The following GAPDHS variants were observed in gnomAD, a reference collection of about 807,000 sequenced individuals.
GAPDHS encodes the protein glyceraldehyde-3-phosphate dehydrogenase, spermatogenic.
GAPDHS carries 42 observed loss-of-function variants against 48.7 expected under a neutral mutation model. That is an observed-to-expected ratio of 0.86 (90% CI 0.67 to 1.12). The LOEUF (loss-of-function observed/expected upper bound fraction) is 1.12, where lower values mean the gene tolerates loss of function less well. Ranked by LOEUF, GAPDHS falls within the 50% of genes most tolerant of loss-of-function variation. The pLI, the probability that GAPDHS is intolerant of heterozygous loss-of-function variation, is 0.00. For missense variants in GAPDHS, 512 were observed against 557.7 expected, an observed-to-expected ratio of 0.92 and a Z score of 0.82; for synonymous variants, 166 against 219.1, an observed-to-expected ratio of 0.76 and a Z score of 2.14.
At position 35,545,136 on chromosome 19, in the gene GAPDHS, ACCT is replaced by A. The variant is rs1386204250; in HGVS notation, c.1199_1201del (p.Leu400del). 2 of 1,613,486 alleles carry A rather than the reference ACCT, an allele frequency of 1.2e-6. No homozygotes were observed. Among genetic ancestry groups the A allele is most frequent in the African/African-American group, 2.7e-5 (2 of 74,772 alleles). Reference sequence around the variant, plus strand: ...TATGGCTACAGTCACCGGGTGGTCGACCTCCTCCGCTACATGTTCAGCCGAGAC... The same window carrying A: ...TATGGCTACAGTCACCGGGTGGTCGACCTCCGCTACATGTTCAGCCGAGAC... On this transcript the variant is annotated inframe_deletion, in exon 11 of 11. Coordinates refer to ENST00000222286, the MANE Select transcript of GAPDHS (RefSeq NM_014364.5).
At chr19:35,540,863 G>A (rs2071497399) in intron 4 of GAPDHS, 1 of 152,110 alleles carries the variant, frequency 6.6e-6, no homozygotes, top group Admixed American at 6.5e-5. Context: ...AGGTGCAGAG[G>A]CTCATGCCTG....
intron 1 of GAPDHS, among the ~76,000 whole-genome samples, chr19:35,533,834 C>G (rs2071447737): frequency 2.6e-5 from 4 of 152,226 alleles, no homozygotes; most frequent in South Asian, 4.1e-4. Flanking sequence ...GCGCCGCTAT[C>G]ACGCGGTAGA....
rs772059402 is a variant in GAPDHS at position 35,542,446 on chromosome 19, G to A, written c.540+37G>A. ...AGAGGTGCCCAGGGCTAGCTGGGGG[G>A]ATGATGGTGCCAGAAGCCCCTGACA... On this transcript the variant is annotated intron_variant, in intron 5 of 10. Transcript: ENST00000222286. The A allele has an allele frequency of 1.7e-5, 27 of 1,599,236 alleles. No individual in the cohort carries two copies. In the East Asian group the frequency reaches 5.6e-4, roughly 33 times the overall value.
chr19:35,538,496 T>C (rs1179524190), intron 3 of GAPDHS, 81 bp from the exon 4 acceptor site: 2 of 1,262,142 alleles, frequency 1.6e-6, no homozygotes, highest in Non-Finnish European at 2.3e-6. Flanking sequence ...AGCTGTAATG[T>C]GAGACCTTCA....
intron 4 of GAPDHS, among the ~76,000 whole-genome samples, chr19:35,540,319 T>C (rs1005841171): frequency 6.6e-6 from 1 of 152,218 alleles, no homozygotes; most frequent in Non-Finnish European, 1.5e-5. Flanking sequence ...AATGAATGAA[T>C]GGAATCCTCA....
At chr19:35,537,072 A>T in intron 2 of GAPDHS, 82 bp downstream of exon 2, 2 of 1,165,890 alleles carry the variant, frequency 1.7e-6, no homozygotes, top group Non-Finnish European at 2.5e-6. Context: ...GCACCTCCAC[A>T]TTTCCCCCCA....
chr19:35,534,655 C>T (rs2071453744), intron 1 of GAPDHS, among the ~76,000 whole-genome samples: 1 of 152,142 alleles, frequency 6.6e-6, no homozygotes, highest in African/African-American at 2.4e-5. Flanking sequence ...CAGATTCCCA[C>T]CTGAACCAGG....
At chr19:35,533,671 G>T (rs566757649) in intron 1 of GAPDHS, 77 bp downstream of exon 1, 10 of 1,120,604 alleles carry the variant, frequency 8.9e-6, no homozygotes, top group Non-Finnish European at 1.2e-5. Context: ...CACCTGTGCC[G>T]TATCCCTACC....
chr19:35,545,090 C>A lies in GAPDHS; in HGVS notation c.1155-8C>A. The A allele has an allele frequency of 6.2e-7, 1 of 1,613,800 alleles. No homozygotes were observed. On this transcript the variant is annotated splice_region_variant and splice_polypyrimidine_tract_variant and intron_variant, in intron 10 of 10. Coordinates refer to ENST00000222286, the MANE Select transcript of GAPDHS (RefSeq NM_014364.5). ...ACCCCCTTGAACCTCCCGACCCCTC[C>A]TCCACAGGTACGACAACGAATATGG...
intron 9 of GAPDHS, 62 bp from the exon 10 acceptor site, chr19:35,544,847 C>A: frequency 2.2e-6 from 2 of 911,176 alleles, no homozygotes; most frequent in Non-Finnish European, 3.7e-6. Flanking sequence ...AGAGTCGGGG[C>A]CTCAGCTCCT....
rs148474705 is a variant in GAPDHS, at chr19:35,542,324, A to C, written c.455A>C (p.Glu152Ala). 852 of 1,609,676 alleles carry C rather than the reference A, an allele frequency of 5.3e-4. 1 individual carries two copies. The highest frequency in any genetic ancestry group is 6.8e-4 in the Non-Finnish European group (795 of 1,177,360). The change falls in exon 5 of 11, where the codon GAG (glutamate) becomes GCG (alanine). Residue 152 changes from glutamate (E) to alanine (A), a missense_variant. Physicochemically the swap from Glu to Ala is moderately radical, Grantham distance 107 (BLOSUM62 -1). Coordinates refer to ENST00000222286, the MANE Select transcript of GAPDHS (RefSeq NM_014364.5). ...GCCCTGCCACTTCCCCACAGCAAAG[A>C]GCCCAAACAGATCCCCTGGAGGGCT... ...NHEISVYQCK[E>A]PKQIPWRAVG...
At chr19:35,538,754 G>A (rs1425400199) in intron 4 of GAPDHS, 71 bp downstream of exon 4, 2 of 961,496 alleles carry the variant, frequency 2.1e-6, no homozygotes, top group South Asian at 1.3e-5. Context: ...GGCTAAAATG[G>A]GATTCCAGCC....
At position 35,534,085 on chromosome 19, in the gene GAPDHS, C is replaced by A. The variant is rs183726113; in HGVS notation, c.67+491C>A. 6.1e-4 allele frequency among the ~76,000 whole-genome samples: 93 copies of A among 152,320 alleles called. 1 individual carries two copies. In the East Asian group the frequency reaches 0.018, roughly 29 times the overall value. On this transcript the variant is annotated intron_variant, in intron 1 of 10. Transcript: ENST00000222286. ...AGAGCTCAGGGAAGCCTCACCACCA[C>A]CTGAGAAGGCCAGAGTGTGCCCGCA...
intron 1 of GAPDHS, among the ~76,000 whole-genome samples, chr19:35,534,853 C>G (rs1054676445): frequency 6.6e-6 from 1 of 152,024 alleles, no homozygotes; most frequent in Non-Finnish European, 1.5e-5. Flanking sequence ...AGCTGGCCCC[C>G]GGCTCCCAGC....
chr19:35,543,607 G>A, intron 8 of GAPDHS, 58 bp from the exon 9 acceptor site: 1 of 1,593,400 alleles, frequency 6.3e-7, no homozygotes, highest in Non-Finnish European at 8.6e-7. Flanking sequence ...AGGGAAAGGG[G>A]GAATGGAGGG....
In GAPDHS at chr19:35,544,462, T is replaced by C. The variant is rs147110060; in HGVS notation, c.1057-447T>C. On this transcript the variant is annotated intron_variant, in intron 9 of 10. Transcript: ENST00000222286. ...CACATTGCATCACCCGTTTTCAGGATTGAAAACACTCCTGTGGCCTTTCAT... is the reference window on the plus strand; with the variant it reads ...CACATTGCATCACCCGTTTTCAGGACTGAAAACACTCCTGTGGCCTTTCAT... 2.0e-4 allele frequency: 36 copies of C among 176,662 alleles called. 1 individual carries two copies. The East Asian group carries it at 4.9e-3, about 24-fold the overall frequency. 10.9% of individuals were successfully genotyped at this position (176,662 alleles called of 1,614,324 possible).
rs760372481 is a variant in GAPDHS, at chr19:35,538,319, C to G, written c.258C>G (p.Ile86Met). The change falls in exon 3 of 11, where the codon ATC (isoleucine) becomes ATG (methionine). Residue 86 changes from isoleucine (I) to methionine (M), a missense_variant. Transcript: ENST00000222286. ...TGTCCCTGGCCAGATTTGGACGCAT[C>G]GGTCGCCTGGTCCTGCGCGCCTGCA... ...LTVGINGFGR[I>M]GRLVLRACME... 2.5e-6 allele frequency: 4 copies of G among 1,612,514 alleles called. No homozygotes were observed. The Admixed American group carries it at 6.7e-5, about 27-fold the overall frequency.
chr19:35,544,387 C>A (rs1352117397), intron 9 of GAPDHS: 2 of 167,516 alleles, frequency 1.2e-5, no homozygotes, highest in Non-Finnish European at 2.6e-5. Context: ...GCATTAACTC[C>A]TGCAGGTCCA....
rs779979256 is a variant in GAPDHS, at chr19:35,543,417, T to G, written c.819T>G (p.Gly273=). ...PSRKAWRDGR[G]AHQNIIPAST... is the part of the protein sequence containing the mutation. ...GGAAGGCCTGGCGAGATGGGCGGGG[T>G]GCCCACCAGAACATCATCCCAGCCT... Residue 273 remains glycine, a synonymous_variant, in exon 8 of 11, where the codon GGT becomes GGG. Coordinates refer to ENST00000222286, the MANE Select transcript of GAPDHS (RefSeq NM_014364.5). The G allele has an allele frequency of 1.2e-5, 20 of 1,610,136 alleles. No homozygotes were observed. In the South Asian group the frequency reaches 2.1e-4, roughly 17 times the overall value.
Sources: allele counts gnomAD v4.1 joint callset (sites outside exome capture counted in the v4.1 genomes callset), GRCh38; gene constraint gnomAD v4.1.1; transcripts MANE v1.5; gene names NCBI Gene and HGNC (gene_info 2026-07-23, HGNC 2026-07-21).